The following UBAP1 variants were observed in gnomAD, a reference collection of about 807,000 sequenced individuals.
UBAP1 encodes the protein ubiquitin associated protein 1.
A neutral mutation model predicts 39.0 loss-of-function variants in UBAP1; 5 were observed. That is an observed-to-expected ratio of 0.13 (90% CI 0.07 to 0.27). The LOEUF is 0.27. Among genes scored for constraint, UBAP1 ranks in the 10% least tolerant of loss-of-function variants. The pLI is 1.00. For synonymous variants in UBAP1, 211 were observed against 225.1 expected (o/e 0.94, Z 0.56); for missense variants, 490 against 608.1 (o/e 0.81, Z 2.04).
chr9:34,239,936 T>C (rs1312552793), intron 3 of UBAP1, among the ~76,000 whole-genome samples: 1 of 152,184 alleles, frequency 6.6e-6, no homozygotes, highest in Non-Finnish European at 1.5e-5. Flanking sequence ...GTTCCAAGTA[T>C]TCTACATTAC....
intron 3 of UBAP1, among the ~76,000 whole-genome samples, chr9:34,237,585 G>A (rs1199173424): frequency 6.6e-6 from 1 of 151,784 alleles, no homozygotes; most frequent in African/African-American, 2.4e-5. Context: ...TGGTTTATTT[G>A]TAGACACAGT....
At chr9:34,223,008 A>C (rs1175618390) in intron 2 of UBAP1, among the ~76,000 whole-genome samples, 1 of 152,228 alleles carries the variant, frequency 6.6e-6, no homozygotes, top group Non-Finnish European at 1.5e-5. Flanking sequence ...GAATCTTTGG[A>C]ACATCTGTTT....
chr9:34,183,539 C>T (rs1830205759), intron 1 of UBAP1, among the ~76,000 whole-genome samples: 1 of 141,954 alleles, frequency 7.0e-6, no homozygotes, highest in African/African-American at 2.6e-5. Flanking sequence ...GGCAACAGAG[C>T]GAGACTCCGT....
At chr9:34,194,856 T>G (rs1431797480) in intron 1 of UBAP1, among the ~76,000 whole-genome samples, 1 of 152,212 alleles carries the variant, frequency 6.6e-6, no homozygotes, top group Admixed American at 6.5e-5. Context: ...ATACCAACTT[T>G]AGTAACACTG....
At chr9:34,196,513 CG>C (rs1563890990) in intron 1 of UBAP1, among the ~76,000 whole-genome samples, 3 of 151,890 alleles carry the variant, frequency 2.0e-5, no homozygotes, top group African/African-American at 7.3e-5. Context: ...GATGGGGTTT[CG>C]CTGTGTTGAC....
chr9:34,243,082 G>C (rs1834043571), intron 4 of UBAP1, among the ~76,000 whole-genome samples: 3 of 146,458 alleles, frequency 2.0e-5, no homozygotes, highest in Non-Finnish European at 4.7e-5. Flanking sequence ...GGGTAAACTT[G>C]ATAGAGTGCC....
chr9:34,236,960 T>C (rs1037114127), intron 3 of UBAP1, among the ~76,000 whole-genome samples: 3 of 152,094 alleles, frequency 2.0e-5, no homozygotes, highest in Non-Finnish European at 4.4e-5. Flanking sequence ...TTGTACGTTA[T>C]CTCTCTATAT....
intron 1 of UBAP1, among the ~76,000 whole-genome samples, chr9:34,188,486 T>C (rs543363309): frequency 6.7e-6 from 1 of 148,570 alleles, no homozygotes; most frequent in South Asian, 2.1e-4. Flanking sequence ...AGGTTGGTCT[T>C]AAATGCCTGG....
chr9:34,182,870 C>T (rs1429797181), intron 1 of UBAP1, among the ~76,000 whole-genome samples: 2 of 151,970 alleles, frequency 1.3e-5, no homozygotes, highest in Non-Finnish European at 2.9e-5. Flanking sequence ...ACCACCACGC[C>T]TGGCTAATTT....
intron 1 of UBAP1, among the ~76,000 whole-genome samples, chr9:34,189,362 T>C (rs762467932): frequency 4.0e-5 from 6 of 151,350 alleles, no homozygotes; most frequent in Non-Finnish European, 5.9e-5. Context: ...CTAATTTTTA[T>C]ATTTTTAGTA....
chr9:34,225,792 AAAAG>A (rs1833016744), intron 2 of UBAP1, among the ~76,000 whole-genome samples: 1 of 151,256 alleles, frequency 6.6e-6, no homozygotes, highest in Non-Finnish European at 1.5e-5. Flanking sequence ...AAAAAAAAAA[AAAAG>A]AAAAGAAAAA....
intron 1 of UBAP1, among the ~76,000 whole-genome samples, chr9:34,209,651 T>G (rs1831907713): frequency 6.6e-6 from 1 of 152,250 alleles, no homozygotes; most frequent in African/African-American, 2.4e-5. Context: ...CACTGATTTA[T>G]TCTTTGTTCT....
chr9:34,213,875 C>CAGTGACCAAGCAGAA (rs1163287890), intron 1 of UBAP1, among the ~76,000 whole-genome samples: 1 of 151,574 alleles, frequency 6.6e-6, no homozygotes, highest in Non-Finnish European at 1.5e-5. Context: ...TATACACCAA[C>CAGTGACCAAGCAGAA]AGTGACCAAG....
intron 2 of UBAP1, among the ~76,000 whole-genome samples, chr9:34,232,159 G>T (rs1482924148): frequency 6.6e-6 from 1 of 152,070 alleles, no homozygotes; most frequent in Non-Finnish European, 1.5e-5. Context: ...TACGCCCGGT[G>T]CAGTTTTGTA....
intron 2 of UBAP1, among the ~76,000 whole-genome samples, chr9:34,227,098 GT>G (rs1833148661): frequency 6.6e-6 from 1 of 152,014 alleles, no homozygotes; most frequent in African/African-American, 2.4e-5. Flanking sequence ...GCTTCTTTCT[GT>G]GTCTTATAAT....
intron 1 of UBAP1, among the ~76,000 whole-genome samples, chr9:34,194,386 C>T (rs1248265716): frequency 6.6e-6 from 1 of 151,566 alleles, no homozygotes; most frequent in East Asian, 1.9e-4. Flanking sequence ...ACAATCTCGG[C>T]TCGCTGTAAA....
chr9:34,242,022 C>T lies in UBAP1; in HGVS notation c.997C>T (p.Pro333Ser). Residue 333 changes from proline (P) to serine (S), a missense_variant, in exon 4 of 7, where the codon CCA becomes TCA. Transcript: ENST00000297661. ...GAACTTGGACAGTGGCACAGAGATG[C>T]CAGCCCTGACATCCTCCCAGATGCC... ...ALNLDSGTEM[P>S]ALTSSQMPSL... 2 of 1,614,178 alleles carry T rather than the reference C, an allele frequency of 1.2e-6. No individual in the cohort carries two copies. The highest frequency in any genetic ancestry group is 1.7e-6 in the Non-Finnish European group (2 of 1,180,008).
At position 34,246,663 on chromosome 9, in the gene UBAP1, T is replaced by C. The variant is rs549452138; in HGVS notation, c.1084-3116T>C. 2.6e-5 allele frequency among the ~76,000 whole-genome samples: 4 copies of C among 152,338 alleles called. No homozygotes were observed. The South Asian group carries it at 8.3e-4, about 32-fold the overall frequency. ...AGGTGGCAGTGTGTCCGCTGAGTTG[T>C]GCACACACATTAGCAGTGGGTTAAA... On this transcript the variant is annotated intron_variant, in intron 4 of 6. Coordinates refer to ENST00000297661, the MANE Select transcript of UBAP1 (RefSeq NM_016525.5).
chr9:34,179,675 T>G lies in UBAP1; in HGVS notation c.-8+435T>G, dbSNP rs1829906170. On this transcript the variant is annotated intron_variant, in intron 1 of 6. Coordinates refer to ENST00000297661, the MANE Select transcript of UBAP1 (RefSeq NM_016525.5). ...TTAGTTCTCCCTGAGGCAATGAGAT[T>G]GGGGAGAAAAGGTGGAGACTAGACC... Among the ~76,000 whole-genome samples, 4 of 151,602 alleles carry G rather than the reference T, an allele frequency of 2.6e-5. No individual in the cohort carries two copies. In the South Asian group the frequency reaches 8.4e-4, roughly 32 times the overall value.
Sources: gnomAD v4.1 joint callset for allele counts (sites outside exome capture counted in the v4.1 genomes callset) on GRCh38, gnomAD v4.1.1 for gene constraint, MANE v1.5 for transcripts, NCBI Gene and HGNC (gene_info 2026-07-23, HGNC 2026-07-21) for gene names.